Variants in TIA1 observed in about 807,000 individuals in gnomAD.
The protein encoded by TIA1 is cytotoxic granule associated RNA binding protein TIA1.
In TIA1, 23 loss-of-function variants were observed where a neutral mutation model predicts 65.9. The observed-to-expected ratio is 0.35, with a 90% CI of 0.25 to 0.49. The LOEUF (loss-of-function observed/expected upper bound fraction) is 0.49, where lower values mean the gene tolerates loss of function less well. TIA1 is among the 20% of genes least tolerant of loss of function. The pLI is 0.98. For missense variants in TIA1, 371 were observed against 477.9 expected, an observed-to-expected ratio of 0.78 and a Z score of 2.09; for synonymous variants, 147 against 149.4, an observed-to-expected ratio of 0.98 and a Z score of 0.12.
chr2:70,217,595 C>T (rs923675701), intron 7 of TIA1, among the ~76,000 whole-genome samples: 2 of 152,088 alleles, frequency 1.3e-5, no homozygotes, highest in Non-Finnish European at 2.9e-5. Context: ...GACACGGTTT[C>T]GCCATGTTAG....
At chr2:70,214,275 TA>T in intron 12 of TIA1, 73 bp downstream of exon 12, 1 of 1,518,502 alleles carries the variant, frequency 6.6e-7, no homozygotes. Flanking sequence ...CACTAATTCT[TA>T]AAATTTCTTC....
chr2:70,248,348 G>A (rs929391320), intron 1 of TIA1, 57 bp downstream of exon 1: 9 of 1,579,506 alleles, frequency 5.7e-6, no homozygotes, highest in Middle Eastern at 3.4e-4. Flanking sequence ...GCAGGGCCGA[G>A]GCCTTCCCTC....
chr2:70,234,223 T>G lies in TIA1; in HGVS notation c.123+1856A>C, dbSNP rs72902486. Among the ~76,000 whole-genome samples the G allele has an allele frequency of 6.8e-3, 1,042 of 152,282 alleles. 13 individuals are homozygous for G. The highest frequency in any genetic ancestry group is 0.024 in the African/African-American group (1,005 of 41,560). On this transcript the variant is annotated intron_variant, in intron 2 of 12. Transcript: ENST00000433529. ...CATACATGAAATGAAAATAACACCTTCTTTATGTTTCTATTGAGCATTTAT... is the reference window on the plus strand; with the variant it reads ...CATACATGAAATGAAAATAACACCTGCTTTATGTTTCTATTGAGCATTTAT...
intron 11 of TIA1, 101 bp downstream of exon 11, chr2:70,215,270 A>G (rs1573185165): frequency 2.7e-6 from 4 of 1,491,622 alleles, no homozygotes; most frequent in Non-Finnish European, 3.7e-6. Flanking sequence ...ATATACTATC[A>G]TTTTAGCTAG....
intron 6 of TIA1, 125 bp from the exon 7 acceptor site, chr2:70,224,754 C>G: frequency 7.0e-7 from 1 of 1,432,626 alleles, no homozygotes; most frequent in Non-Finnish European, 9.2e-7. Context: ...TGCAAATTCA[C>G]CTTTTATTCT....
intron 1 of TIA1, among the ~76,000 whole-genome samples, chr2:70,238,260 G>GTTTTTTTTTTTTTTTTT (rs763865705): frequency 2.1e-5 from 2 of 94,594 alleles, no homozygotes; most frequent in African/African-American, 8.9e-5. Flanking sequence ...GTTCCCCCAA[G>GTTTTTTTTTTTTTTTTT]TTTTTTTTTT....
chr2:70,244,728 C>T (rs1030968445), intron 1 of TIA1, among the ~76,000 whole-genome samples: 2 of 150,134 alleles, frequency 1.3e-5, no homozygotes, highest in Non-Finnish European at 3.0e-5. Context: ...CCAGCTACTC[C>T]GGAGGCTGAG....
At chr2:70,214,575 A>G in intron 11 of TIA1, 81 bp from the exon 12 acceptor site, 1 of 1,114,936 alleles carries the variant, frequency 9.0e-7, no homozygotes, top group East Asian at 3.0e-5. Flanking sequence ...ATTCTTAGCC[A>G]AAACACACAG....
At chr2:70,246,719 C>T (rs1694526298) in intron 1 of TIA1, among the ~76,000 whole-genome samples, 1 of 152,112 alleles carries the variant, frequency 6.6e-6, no homozygotes, top group Non-Finnish European at 1.5e-5. Context: ...AACCCCATCT[C>T]TACTAAAAAT....
intron 3 of TIA1, 102 bp downstream of exon 3, chr2:70,230,654 A>AAC (rs1685856488): frequency 5.3e-6 from 4 of 751,280 alleles, no homozygotes; most frequent in Non-Finnish European, 7.8e-6. Flanking sequence ...TTTCATCTCA[A>AAC]AAAAAAAAAA....
Position 70,230,808 on chromosome 2 carries a change from C to G in TIA1, c.170G>C (p.Arg57Pro). Residue 57 changes from arginine to proline, a missense_variant, in exon 3 of 13, where the codon CGT becomes CCT. Coordinates refer to ENST00000433529, the MANE Select transcript of TIA1 (RefSeq NM_022173.4). ...PYCFVEFHEH[R>P]HAAAALAAMN... ...AGCAGCTAATGCTGCAGCTGCATGA[C>G]GATGCTCATGAAACTCCACAAAACA... 2.5e-6 allele frequency: 4 copies of G among 1,612,874 alleles called. No homozygotes were observed. The highest frequency in any genetic ancestry group is 3.4e-6 in the Non-Finnish European group (4 of 1,179,660).
chr2:70,232,772 G>C (rs1043890426), intron 2 of TIA1, among the ~76,000 whole-genome samples: 1 of 151,862 alleles, frequency 6.6e-6, no homozygotes, highest in South Asian at 2.1e-4. Context: ...GGGAGGCTGA[G>C]GCAGGAGATT....
intron 1 of TIA1, among the ~76,000 whole-genome samples, chr2:70,243,134 GA>G (rs374957432): frequency 6.6e-5 from 10 of 152,214 alleles, no homozygotes; most frequent in African/African-American, 2.4e-4. Flanking sequence ...TGCTAATGAA[GA>G]AACTGTGTAA....
chr2:70,213,340 CTTTTCTT>C (rs1677107483), intron 12 of TIA1, among the ~76,000 whole-genome samples: 1 of 149,080 alleles, frequency 6.7e-6, no homozygotes, highest in African/African-American at 2.5e-5. Flanking sequence ...ATTTTCTTTT[CTTTTCTT>C]TTTTTTTTTT....
Position 70,227,730 on chromosome 2 carries a change from C to T in TIA1, c.398+5G>A. 2 of 1,563,214 alleles carry T rather than the reference C, an allele frequency of 1.3e-6. No homozygotes were observed. The highest frequency in any genetic ancestry group is 1.2e-5 in the South Asian group (1 of 83,718). On this transcript the variant is annotated splice_donor_5th_base_variant and intron_variant, in intron 6 of 12. Coordinates refer to ENST00000433529, the MANE Select transcript of TIA1 (RefSeq NM_022173.4). Reference sequence around the variant, plus strand: ...AAAGGATTTTATTTATCTTCTGTTACTTACGATATTCTTCCAAATGGTGCA... The same window carrying T: ...AAAGGATTTTATTTATCTTCTGTTATTTACGATATTCTTCCAAATGGTGCA...
Position 70,212,711 on chromosome 2 carries a change from G to A in TIA1, c.*8C>T. The A allele has an allele frequency of 2.6e-6, 4 of 1,560,674 alleles. No homozygotes were observed. Among genetic ancestry groups the A allele is most frequent in the Non-Finnish European group, 3.5e-6 (4 of 1,131,354 alleles). Reference sequence around the variant, plus strand: ...CAAGCCACTGGCTTTAGATTCTGGAGTCCTTATTCACTGGGTTTCATACCC... The same window carrying A: ...CAAGCCACTGGCTTTAGATTCTGGAATCCTTATTCACTGGGTTTCATACCC... On this transcript the variant is annotated 3_prime_UTR_variant, in exon 13 of 13. Coordinates refer to ENST00000433529, the MANE Select transcript of TIA1 (RefSeq NM_022173.4).
chr2:70,229,360 A>C (rs778353258), intron 3 of TIA1, 42 bp from the exon 4 acceptor site: 1 of 1,539,972 alleles, frequency 6.5e-7, no homozygotes, highest in South Asian at 1.2e-5. Flanking sequence ...CACAAAAATA[A>C]AGCCCAAAAT....
At chr2:70,223,299 G>A (rs1182685854) in intron 7 of TIA1, among the ~76,000 whole-genome samples, 1 of 151,532 alleles carries the variant, frequency 6.6e-6, no homozygotes, top group Admixed American at 6.6e-5. Context: ...AAAGTTTTGA[G>A]AACCAAATAA....
chr2:70,238,260 G>GTTTTTTTTTTTT (rs763865705), intron 1 of TIA1, among the ~76,000 whole-genome samples: 7 of 94,616 alleles, frequency 7.4e-5, no homozygotes, highest in Non-Finnish European at 1.2e-4. Context: ...GTTCCCCCAA[G>GTTTTTTTTTTTT]TTTTTTTTTT....
Sources: gnomAD v4.1 joint callset for allele counts (sites outside exome capture counted in the v4.1 genomes callset) on GRCh38, gnomAD v4.1.1 for gene constraint, MANE v1.5 for transcripts, NCBI Gene and HGNC (gene_info 2026-07-23, HGNC 2026-07-21) for gene names.